The following TRAF1 variants were observed in gnomAD, a reference collection of about 807,000 sequenced individuals.
TRAF1 encodes TNF receptor associated factor 1.
Under a neutral mutation model 40.9 loss-of-function variants are expected in TRAF1, and 23 were observed. The observed-to-expected ratio is 0.56, with a 90% CI of 0.40 to 0.80. The LOEUF (loss-of-function observed/expected upper bound fraction) is 0.80. TRAF1 is among the 30% of genes least tolerant of loss of function. The pLI, the probability that TRAF1 is intolerant of heterozygous loss-of-function variation, is 0.00. For missense variants in TRAF1, 477 were observed against 528.7 expected (o/e 0.90, Z 0.96); for synonymous variants, 206 against 218.8 (o/e 0.94, Z 0.52).
chr9:120,915,085 C>T lies in TRAF1; in HGVS notation c.229-785G>A, dbSNP rs548781093. 9.9e-5 allele frequency among the ~76,000 whole-genome samples: 15 copies of T among 152,268 alleles called. No homozygotes were observed. The South Asian group carries it at 1.9e-3, about 19-fold the overall frequency. On this transcript the variant is annotated intron_variant, in intron 3 of 7. Coordinates refer to ENST00000373887, the MANE Select transcript of TRAF1 (RefSeq NM_005658.5). ...CAGCACAGCCACAGGGCCCCTCCCACGCACATCACTACCTCTTAACAGGAG... is the reference window on the plus strand; with the variant it reads ...CAGCACAGCCACAGGGCCCCTCCCATGCACATCACTACCTCTTAACAGGAG...
At chr9:120,908,803 G>A (rs1025708049) in intron 7 of TRAF1, among the ~76,000 whole-genome samples, 3 of 152,000 alleles carry the variant, frequency 2.0e-5, no homozygotes, top group African/African-American at 2.4e-5. Flanking sequence ...CAAGTGATCC[G>A]CCCGCCTCGG....
At chr9:120,909,013 A>G (rs1209314849) in intron 7 of TRAF1, among the ~76,000 whole-genome samples, 1 of 152,150 alleles carries the variant, frequency 6.6e-6, no homozygotes, top group African/African-American at 2.4e-5. Context: ...TTATTTCTAT[A>G]TAACCTTCAG....
chr9:120,903,837 T>TGG lies in TRAF1; in HGVS notation c.*1182_*1183insCC, dbSNP rs1461435863. On this transcript the variant is annotated 3_prime_UTR_variant, in exon 8 of 8. Coordinates refer to ENST00000373887, the MANE Select transcript of TRAF1 (RefSeq NM_005658.5). ...AGAAGACTGGGGCTAAGAGGGGATG[T>TGG]TCCTGCCAGCATGCCAGCCTCTGAT... The TGG allele has an allele frequency of 4.6e-5, 7 of 152,322 alleles. No individual in the cohort carries two copies. Among genetic ancestry groups the TGG allele is most frequent in the Admixed American group, 3.3e-4 (5 of 15,304 alleles). 9.4% of individuals were successfully genotyped at this position (152,322 alleles called of 1,614,324 possible). A position where few individuals can be genotyped will look rare whatever the true frequency, so the allele number is the denominator to read the frequency against.
intron 5 of TRAF1, among the ~76,000 whole-genome samples, 162 bp from the exon 6 acceptor site, chr9:120,911,675 C>T (rs1443822197): frequency 6.6e-6 from 1 of 152,226 alleles, no homozygotes; most frequent in Non-Finnish European, 1.5e-5. Flanking sequence ...CCTGGCCTTC[C>T]TTTTCCTTAT....
At chr9:120,911,212 TG>T in intron 6 of TRAF1, 123 bp downstream of exon 6, 1 of 1,144,006 alleles carries the variant, frequency 8.7e-7, no homozygotes, top group Non-Finnish European at 1.2e-6. Flanking sequence ...GTGGCCTGAA[TG>T]GGCACTGGCC....
At position 120,926,006 on chromosome 9, in the gene TRAF1, G is replaced by T; in HGVS notation, c.70C>A (p.Pro24Thr). ...TCCTTTGGGTCCTGGCAGACGGTGG[G>T]AGGGCACCCAAAGGGAAACTCATTC... is the stretch of plus-strand genomic sequence containing the variant. ...DENEFPFGCPPTVCQDPKEPR... is the reference protein window; with the variant it reads ...DENEFPFGCPTTVCQDPKEPR... The change falls in exon 2 of 8, where the codon CCC (proline) becomes ACC (threonine). Residue 24 changes from proline to threonine, a missense_variant. Transcript: ENST00000373887. The T allele has an allele frequency of 6.2e-7, 1 of 1,613,316 alleles. No individual in the cohort carries two copies. The highest frequency in any genetic ancestry group is 8.5e-7 in the Non-Finnish European group (1 of 1,179,674).
chr9:120,922,387 C>A (rs1387990788), intron 3 of TRAF1, among the ~76,000 whole-genome samples: 1 of 152,180 alleles, frequency 6.6e-6, no homozygotes, highest in East Asian at 1.9e-4. Context: ...GACGCAATCT[C>A]AGAGTAAAAG....
At chr9:120,928,036 G>C (rs1354736526), upstream of TRAF1, 1 of 152,126 alleles carries the variant, frequency 6.6e-6, no homozygotes, top group East Asian at 1.9e-4. Flanking sequence ...AATAAGAAAA[G>C]GGAAAAATAG....
intron 7 of TRAF1, among the ~76,000 whole-genome samples, chr9:120,906,736 G>A (rs1475376165): frequency 1.3e-5 from 2 of 152,170 alleles, no homozygotes; most frequent in African/African-American, 2.4e-5. Flanking sequence ...AAATGCATAA[G>A]GACATGTATC....
At chr9:120,924,139 C>T (rs556507153) in intron 2 of TRAF1, among the ~76,000 whole-genome samples, 3 of 152,190 alleles carry the variant, frequency 2.0e-5, no homozygotes, top group South Asian at 2.1e-4. Flanking sequence ...TACATGATGC[C>T]CTGATTTGCT....
At chr9:120,925,810 G>A in intron 2 of TRAF1, 126 bp downstream of exon 2, 1 of 1,379,036 alleles carries the variant, frequency 7.3e-7, no homozygotes. Context: ...AAAGGGTGTG[G>A]AAACTGAGGC....
chr9:120,910,746 T>C (rs2046520277), intron 6 of TRAF1, among the ~76,000 whole-genome samples: 1 of 152,236 alleles, frequency 6.6e-6, no homozygotes, highest in South Asian at 2.1e-4. Context: ...TTAACAGATA[T>C]CATTTAGTTA....
intron 3 of TRAF1, 102 bp downstream of exon 3, chr9:120,923,603 G>T: frequency 1.9e-6 from 2 of 1,039,382 alleles, no homozygotes; most frequent in Non-Finnish European, 3.0e-6. Flanking sequence ...AGGACTAGTT[G>T]GGAGGTGCCT....
At position 120,926,091 on chromosome 9, in the gene TRAF1, T is replaced by C. The variant is rs760030440; in HGVS notation, c.-16A>G. On this transcript the variant is annotated 5_prime_UTR_variant, in exon 2 of 8. Transcript: ENST00000373887. ...TGGAGGCCATCTCAGGGTTCCAGGC[T>C]GGCCAGAGGGCCTGTTTAAGTTGCT... 1.9e-5 allele frequency: 30 copies of C among 1,553,028 alleles called. No individual in the cohort carries two copies. The East Asian group carries it at 4.6e-4, about 24-fold the overall frequency.
rs1476554175 is a variant in TRAF1 at position 120,905,158 on chromosome 9, G to C, written c.1113C>G (p.Phe371Leu). The C allele has an allele frequency of 6.2e-7, 1 of 1,614,100 alleles. No individual in the cohort carries two copies. Among genetic ancestry groups the C allele is most frequent in the Non-Finnish European group, 8.5e-7 (1 of 1,180,038 alleles). The part of the protein sequence containing the change: ...AFRPDLSSAS[F>L]QRPQSETNVA... Reference sequence around the variant, plus strand: ...CGTTGGTTTCACTCTGGGGCCTCTGGAAGGACGCTGAGCTTAGGTCAGGCC... The same window carrying C: ...CGTTGGTTTCACTCTGGGGCCTCTGCAAGGACGCTGAGCTTAGGTCAGGCC... The change falls in exon 8 of 8, where the codon TTC becomes TTG. Residue 371 changes from phenylalanine (F) to leucine (L), a missense_variant. Coordinates refer to ENST00000373887, the MANE Select transcript of TRAF1 (RefSeq NM_005658.5).
chr9:120,907,966 C>T (rs2046495190), intron 7 of TRAF1, among the ~76,000 whole-genome samples: 1 of 152,118 alleles, frequency 6.6e-6, no homozygotes, highest in Non-Finnish European at 1.5e-5. Flanking sequence ...GGTTATGGCA[C>T]ACTGCAGCCT....
intron 3 of TRAF1, among the ~76,000 whole-genome samples, chr9:120,923,056 A>G (rs993330258): frequency 2.6e-5 from 4 of 152,138 alleles, no homozygotes; most frequent in Admixed American, 2.0e-4. Flanking sequence ...CCAGGCTAGT[A>G]TCAAACTCCT....
chr9:120,915,780 G>T (rs909012567), intron 3 of TRAF1, among the ~76,000 whole-genome samples: 1 of 152,064 alleles, frequency 6.6e-6, no homozygotes, highest in African/African-American at 2.4e-5. Flanking sequence ...GCTGCACTGA[G>T]CTATGATCAC....
intron 6 of TRAF1, among the ~76,000 whole-genome samples, chr9:120,910,907 T>C (rs1046372037): frequency 2.0e-5 from 3 of 152,240 alleles, no homozygotes; most frequent in Non-Finnish European, 4.4e-5. Flanking sequence ...TTCTCTAATC[T>C]TATTTCAGAC....
Sources: allele counts gnomAD v4.1 joint callset (sites outside exome capture counted in the v4.1 genomes callset), GRCh38; gene constraint gnomAD v4.1.1; transcripts MANE v1.5; gene names NCBI Gene and HGNC (gene_info 2026-07-23, HGNC 2026-07-21).